Variants in IBTK observed in about 807,000 individuals in gnomAD.
IBTK encodes the protein inhibitor of Bruton tyrosine kinase.
IBTK carries 83 observed loss-of-function variants against 154.9 expected under a neutral mutation model. That is an observed-to-expected ratio of 0.54 (90% CI 0.45 to 0.64). The LOEUF (loss-of-function observed/expected upper bound fraction) is 0.64. Ranked by LOEUF, IBTK falls within the 30% of genes least tolerant of loss-of-function variation. The pLI is 0.00. For missense variants in IBTK, 1,332 were observed against 1,584.6 expected (o/e 0.84, Z 2.71); for synonymous variants, 515 against 536.1 (o/e 0.96, Z 0.54).
chr6:82,175,142 A>C lies in IBTK; in HGVS notation c.3726-1704T>G, dbSNP rs1768063900. 17 of 275,444 alleles carry C rather than the reference A, an allele frequency of 6.2e-5. 1 individual carries two copies. Among genetic ancestry groups the C allele is most frequent in the South Asian group, 5.5e-4 (16 of 28,960 alleles). 17.1% of individuals were successfully genotyped at this position (275,444 alleles called of 1,614,324 possible). ...AGTGTCCACCAGAATACTTGGAAAT[A>C]GTCGTTTATGAAAAATTAATTAGAA... On this transcript the variant is annotated intron_variant, in intron 26 of 28. Coordinates refer to ENST00000306270, the MANE Select transcript of IBTK (RefSeq NM_015525.4).
At position 82,195,351 on chromosome 6, in the gene IBTK, G is replaced by A. The variant is rs563077253; in HGVS notation, c.3175-709C>T. 1.2e-4 allele frequency among the ~76,000 whole-genome samples: 18 copies of A among 152,140 alleles called. No homozygotes were observed. The East Asian group carries it at 3.3e-3, about 28-fold the overall frequency. On this transcript the variant is annotated intron_variant, in intron 22 of 28. Coordinates refer to ENST00000306270, the MANE Select transcript of IBTK (RefSeq NM_015525.4). ...AGGACTCTAGGAGGCTGAAGTGGGT[G>A]GATTGCTTGAGTCCAGGAGTTCGAG...
chr6:82,189,660 C>T (rs919663455), intron 25 of IBTK, among the ~76,000 whole-genome samples: 1 of 152,102 alleles, frequency 6.6e-6, no homozygotes, highest in African/African-American at 2.4e-5. Context: ...CTGGAAAAGA[C>T]CCGGTTCAGA....
At position 82,192,862 on chromosome 6, in the gene IBTK, G is replaced by A. The variant is rs537875997; in HGVS notation, c.3339-983C>T. 4.6e-5 allele frequency among the ~76,000 whole-genome samples: 7 copies of A among 152,146 alleles called. No homozygotes were observed. The East Asian group carries it at 1.4e-3, about 29-fold the overall frequency. ...CACCTGAAATCCCAGCACTTTGGGA[G>A]GCCGAGGTGGGCGGATCACAAGATC... is the stretch of plus-strand genomic sequence containing the variant. On this transcript the variant is annotated intron_variant, in intron 23 of 28. Transcript: ENST00000306270.
At chr6:82,212,017 C>G (rs138683645) in intron 13 of IBTK, among the ~76,000 whole-genome samples, 1 of 151,794 alleles carries the variant, frequency 6.6e-6, no homozygotes, top group Non-Finnish European at 1.5e-5. Flanking sequence ...TTCTTTGAAA[C>G]GGGGTCTCGT....
chr6:82,225,311 A>C (rs1463207383), intron 6 of IBTK, among the ~76,000 whole-genome samples, 166 bp downstream of exon 6: 1 of 152,024 alleles, frequency 6.6e-6, no homozygotes, highest in Non-Finnish European at 1.5e-5. Context: ...CTCTGTCTCA[A>C]AAAATAATAA....
intron 26 of IBTK, chr6:82,175,063 T>G (rs143587133): frequency 1.4e-4 from 64 of 455,400 alleles, no homozygotes; most frequent in African/African-American, 1.1e-3. Flanking sequence ...CAATCTTAAC[T>G]GCTAGACTAG....
At position 82,214,379 on chromosome 6, in the gene IBTK, T is replaced by C. The variant is rs1270823782; in HGVS notation, c.2052A>G (p.Glu684=). The C allele has an allele frequency of 6.2e-7, 1 of 1,614,128 alleles. No homozygotes were observed. Among genetic ancestry groups the C allele is most frequent in the Non-Finnish European group, 8.5e-7 (1 of 1,180,010 alleles). The change falls in exon 12 of 29, where the codon GAA becomes GAG. Residue 684 remains glutamate, a synonymous_variant. Transcript: ENST00000306270. ...TTTGAGCTTGATTACTTTTGTAAAC[T>C]TCAAATGCAGACTTCTGGTTATCAT... ...HEDDNQKSAF[E]VYKSNQAQTV... is the part of the protein sequence containing the mutation.
chr6:82,194,711 TTAATAAA>T, intron 22 of IBTK, 69 bp from the exon 23 acceptor site: 1 of 971,780 alleles, frequency 1.0e-6, no homozygotes, highest in Non-Finnish European at 1.4e-6. Flanking sequence ...TAGCTGGTAC[TTAATAAA>T]TATTAGTTAC....
At position 82,240,582 on chromosome 6, in the gene IBTK, G is replaced by A. The variant is rs1032593619; in HGVS notation, c.-96C>T. ...CAAAGGTGCTATTGAGGAAGTTACA[G>A]AGAATAAATTACCTTTTTAGGATAA... is the stretch of plus-strand genomic sequence containing the variant. On this transcript the variant is annotated 5_prime_UTR_variant, in exon 2 of 29. Coordinates refer to ENST00000306270, the MANE Select transcript of IBTK (RefSeq NM_015525.4). 6.0e-5 allele frequency: 57 copies of A among 944,858 alleles called. No individual in the cohort carries two copies. The highest frequency in any genetic ancestry group is 9.3e-5 in the Admixed American group (4 of 42,936). 58.5% of individuals were successfully genotyped at this position (944,858 alleles called of 1,614,324 possible). A position where few individuals can be genotyped will look rare whatever the true frequency, so the allele number is the denominator to read the frequency against.
intron 26 of IBTK, among the ~76,000 whole-genome samples, chr6:82,177,523 C>T (rs1231651816): frequency 1.3e-5 from 2 of 152,136 alleles, no homozygotes; most frequent in Non-Finnish European, 2.9e-5. Context: ...AGCAATTTTC[C>T]TTCCTTAGCC....
At chr6:82,174,869 C>T in intron 26 of IBTK, 1 of 428,336 alleles carries the variant, frequency 2.3e-6, no homozygotes. Flanking sequence ...ATTTAGAGTA[C>T]AGTGTTTTTT....
At chr6:82,221,492 C>T (rs910542799) in intron 8 of IBTK, among the ~76,000 whole-genome samples, 5 of 152,126 alleles carry the variant, frequency 3.3e-5, no homozygotes, top group African/African-American at 9.7e-5. Flanking sequence ...ATCATCTGTA[C>T]TGCTATTCAG....
chr6:82,211,106 A>T (rs1769620154), intron 15 of IBTK, among the ~76,000 whole-genome samples, 196 bp from the exon 16 acceptor site: 1 of 152,216 alleles, frequency 6.6e-6, no homozygotes, highest in African/African-American at 2.4e-5. Context: ...GAACAAAAAA[A>T]TTCAGAAAAC....
chr6:82,214,876 A>T, intron 11 of IBTK, 47 bp from the exon 12 acceptor site: 1 of 1,504,058 alleles, frequency 6.6e-7, no homozygotes. Context: ...ATATGAAGGA[A>T]ATCCTTTTTC....
intron 26 of IBTK, among the ~76,000 whole-genome samples, chr6:82,175,528 T>G (rs1396501146): frequency 6.6e-6 from 1 of 152,220 alleles, no homozygotes; most frequent in Non-Finnish European, 1.5e-5. Flanking sequence ...AATTTCTTCT[T>G]AAAATGAACC....
intron 15 of IBTK, among the ~76,000 whole-genome samples, chr6:82,211,125 CAGT>C (rs2127813111): frequency 6.6e-6 from 1 of 152,120 alleles, no homozygotes; most frequent in Admixed American, 6.5e-5. Context: ...ACAAGAAACA[CAGT>C]GGTGTTCCTA....
At chr6:82,222,783 G>T (rs1189515631) in intron 8 of IBTK, among the ~76,000 whole-genome samples, 7 of 151,924 alleles carry the variant, frequency 4.6e-5, no homozygotes, top group African/African-American at 1.5e-4. Flanking sequence ...ACTTTATGAA[G>T]CTGGGCGCAG....
chr6:82,198,878 C>CAATTTCT (rs1415312889), intron 21 of IBTK, among the ~76,000 whole-genome samples: 1 of 151,676 alleles, frequency 6.6e-6, no homozygotes, highest in Non-Finnish European at 1.5e-5. Context: ...ATTGGACTGA[C>CAATTTCT]CTTTTGGAAA....
At position 82,212,759 on chromosome 6, in the gene IBTK, T is replaced by G. The variant is rs1385373593; in HGVS notation, c.2239A>C (p.Asn747His). 1 of 1,596,974 alleles carries G rather than the reference T, an allele frequency of 6.3e-7. No individual in the cohort carries two copies. The highest frequency in any genetic ancestry group is 1.7e-5 in the Admixed American group (1 of 59,988). Reference protein sequence around the residue: ...DGVRFENEKINVIAKNTGNKL... With the variant: ...DGVRFENEKIHVIAKNTGNKL... ...TTACCAGTGTTCTTGGCAATAACATTAATTTTTTCATTTTCAAATCTGACT... is the reference window on the plus strand; with the variant it reads ...TTACCAGTGTTCTTGGCAATAACATGAATTTTTTCATTTTCAAATCTGACT... The change falls in exon 13 of 29, where the codon AAT becomes CAT. Residue 747 changes from asparagine (N) to histidine (H), a missense_variant. Coordinates refer to ENST00000306270, the MANE Select transcript of IBTK (RefSeq NM_015525.4).
Sources: gnomAD v4.1 joint callset for allele counts (sites outside exome capture counted in the v4.1 genomes callset) on GRCh38, gnomAD v4.1.1 for gene constraint, MANE v1.5 for transcripts, NCBI Gene and HGNC (gene_info 2026-07-23, HGNC 2026-07-21) for gene names.